Variants in PTPRD observed in about 807,000 individuals in gnomAD.
The protein encoded by PTPRD is receptor-type tyrosine-protein phosphatase delta.
A neutral mutation model predicts 214.5 loss-of-function variants in PTPRD; 34 were observed. That is an observed-to-expected ratio of 0.16 (90% CI 0.12 to 0.21). PTPRD has a LOEUF of 0.21. PTPRD is among the 10% of genes least tolerant of loss of function. The pLI, the probability that PTPRD is intolerant of heterozygous loss-of-function variation, is 1.00. For missense variants in PTPRD, 2,545 were observed against 2,398.7 expected, an observed-to-expected ratio of 1.06 and a Z score of -1.27; for synonymous variants, 1,128 against 845.7, an observed-to-expected ratio of 1.33 and a Z score of -5.79.
chr9:10,087,987 T>C (rs1380303870), intron 3 of PTPRD, among the ~76,000 whole-genome samples: 1 of 151,826 alleles, frequency 6.6e-6, no homozygotes, highest in African/African-American at 2.4e-5. Flanking sequence ...GCATATTTCA[T>C]GTATGTGTCC....
At chr9:9,634,773 G>A (rs548915216) in intron 7 of PTPRD, among the ~76,000 whole-genome samples, 6 of 151,968 alleles carry the variant, frequency 3.9e-5, no homozygotes, top group Non-Finnish European at 8.8e-5. Context: ...AATGTGTATA[G>A]AGTTAAGTGT....
intron 3 of PTPRD, among the ~76,000 whole-genome samples, chr9:10,286,399 G>T (rs2095354602): frequency 6.6e-6 from 1 of 151,946 alleles, no homozygotes; most frequent in African/African-American, 2.4e-5. Flanking sequence ...CCATAATTGT[G>T]TCATGGCACT....
intron 4 of PTPRD, among the ~76,000 whole-genome samples, chr9:10,027,303 T>C (rs1046364140): frequency 1.3e-5 from 2 of 152,162 alleles, no homozygotes; most frequent in Non-Finnish European, 2.9e-5. Flanking sequence ...AAAATAGTTG[T>C]TTGAGATAAA....
intron 11 of PTPRD, among the ~76,000 whole-genome samples, chr9:8,989,190 C>T (rs2099356856): frequency 6.6e-6 from 1 of 152,014 alleles, no homozygotes; most frequent in Non-Finnish European, 1.5e-5. Flanking sequence ...TTCATCACCT[C>T]AAACATTTAT....
chr9:8,440,913 G>T (rs2095526655), intron 34 of PTPRD, among the ~76,000 whole-genome samples: 1 of 152,176 alleles, frequency 6.6e-6, no homozygotes, highest in African/African-American at 2.4e-5. Context: ...ATCCAGAAAA[G>T]TTAGATGACT....
intron 11 of PTPRD, among the ~76,000 whole-genome samples, chr9:8,957,811 G>A (rs2099139081): frequency 6.6e-6 from 1 of 151,690 alleles, no homozygotes; most frequent in African/African-American, 2.4e-5. Context: ...GCAAGTGCTG[G>A]GAAGTGCTGT....
At chr9:10,378,678 T>C (rs2154481511) in intron 2 of PTPRD, among the ~76,000 whole-genome samples, 1 of 152,150 alleles carries the variant, frequency 6.6e-6, no homozygotes, top group East Asian at 1.9e-4. Context: ...GGTCTATGTG[T>C]CTGTTTTTAT....
At position 10,141,823 on chromosome 9, in the gene PTPRD, G is replaced by T. The variant is rs1203821923; in HGVS notation, c.-544-108033C>A. 3.3e-5 allele frequency among the ~76,000 whole-genome samples: 5 copies of T among 152,230 alleles called. No homozygotes were observed. In the East Asian group the frequency reaches 9.7e-4, roughly 30 times the overall value. On this transcript the variant is annotated intron_variant, in intron 3 of 45. Transcript: ENST00000381196. ...ATCCTAAGCCAAAAGAACAAAGCTGGAGGCATCACACTACCTGACTTCAAA... is the reference window on the plus strand; with the variant it reads ...ATCCTAAGCCAAAAGAACAAAGCTGTAGGCATCACACTACCTGACTTCAAA...
chr9:10,082,804 A>ACTC (rs1321100442), intron 3 of PTPRD, among the ~76,000 whole-genome samples: 1 of 133,160 alleles, frequency 7.5e-6, no homozygotes, highest in African/African-American at 3.0e-5. Context: ...CCTTTCTTCT[A>ACTC]CTCCTCCTAC....
At chr9:9,345,507 T>G (rs2048451211) in intron 9 of PTPRD, among the ~76,000 whole-genome samples, 1 of 152,098 alleles carries the variant, frequency 6.6e-6, no homozygotes, top group Non-Finnish European at 1.5e-5. Context: ...ATAAAATATT[T>G]TTTTTACTTG....
At chr9:8,748,740 C>G (rs1565767860) in intron 11 of PTPRD, among the ~76,000 whole-genome samples, 1 of 151,856 alleles carries the variant, frequency 6.6e-6, no homozygotes, top group Non-Finnish European at 1.5e-5. Context: ...GGAGAAATCC[C>G]ATCTCTACTA....
At chr9:9,883,643 C>A (rs2069633085) in intron 5 of PTPRD, among the ~76,000 whole-genome samples, 1 of 152,120 alleles carries the variant, frequency 6.6e-6, no homozygotes. Flanking sequence ...CAATCACCAA[C>A]AATTCTAAAA....
In PTPRD at chr9:9,779,078, C is replaced by CAAAAAAAAAAAAAAAAAAAAAAAAAA. The variant is rs869120926; in HGVS notation, c.-367-12253_-367-12228dup. Among the ~76,000 whole-genome samples, 25 of 45,486 alleles carry CAAAAAAAAAAAAAAAAAAAAAAAAAA rather than the reference C, an allele frequency of 5.5e-4. 3 individuals carry two copies. Among genetic ancestry groups the CAAAAAAAAAAAAAAAAAAAAAAAAAA allele is most frequent in the Admixed American group, 1.5e-3 (5 of 3,278 alleles). 29.8% of individuals were successfully genotyped at this position (45,486 alleles called of 152,430 possible). ...GCCATGTGATCTTTCATAAGACTGACAAAAAAAAAAAAAAAAAAAAAAAAA... is the reference window on the plus strand; with the variant it reads ...GCCATGTGATCTTTCATAAGACTGACAAAAAAAAAAAAAAAAAAAAAAAAAAAAAAAAAAAAAAAAAAAAAAAAAAA... On this transcript the variant is annotated intron_variant, in intron 5 of 45. Transcript: ENST00000381196.
chr9:9,095,247 A>G (rs2099781844), intron 10 of PTPRD, among the ~76,000 whole-genome samples: 1 of 152,218 alleles, frequency 6.6e-6, no homozygotes, highest in Non-Finnish European at 1.5e-5. Context: ...TGCAAGTCTT[A>G]GCTTGTATAA....
chr9:9,575,507 T>C (rs2088206132), intron 7 of PTPRD, among the ~76,000 whole-genome samples: 1 of 150,926 alleles, frequency 6.6e-6, no homozygotes, highest in Non-Finnish European at 1.5e-5. Context: ...GATCACAAGG[T>C]CAGGAGTTCA....
chr9:10,356,878 A>C (rs1332227058), intron 2 of PTPRD, among the ~76,000 whole-genome samples: 1 of 151,840 alleles, frequency 6.6e-6, no homozygotes, highest in East Asian at 2.0e-4. Context: ...CGGGGGTTTC[A>C]CCATGTTGGT....
At chr9:10,335,846 C>T (rs1283604223) in intron 3 of PTPRD, among the ~76,000 whole-genome samples, 1 of 151,780 alleles carries the variant, frequency 6.6e-6, no homozygotes, top group Non-Finnish European at 1.5e-5. Context: ...TGAAAAGATG[C>T]TCACCATGTC....
chr9:8,625,212 C>T (rs910356375), intron 14 of PTPRD, among the ~76,000 whole-genome samples: 3 of 151,276 alleles, frequency 2.0e-5, no homozygotes, highest in Non-Finnish European at 3.0e-5. Context: ...TATATATATA[C>T]TACATGTACA....
At position 9,889,895 on chromosome 9, in the gene PTPRD, C is replaced by T. The variant is rs146006187; in HGVS notation, c.-368+48612G>A. 7.8e-3 allele frequency among the ~76,000 whole-genome samples: 1,191 copies of T among 152,004 alleles called. 10 individuals are homozygous for T. Among genetic ancestry groups the T allele is most frequent in the Non-Finnish European group, 0.014 (940 of 67,954 alleles). On this transcript the variant is annotated intron_variant, in intron 5 of 45. Transcript: ENST00000381196. ...CGGGTTCTCCAGTGGCCACTGCCAG[C>T]AGTACATGGTACTTCCCTGTAGGCA...
Sources: allele counts gnomAD v4.1 joint callset (sites outside exome capture counted in the v4.1 genomes callset), GRCh38; gene constraint gnomAD v4.1.1; transcripts MANE v1.5; gene names NCBI Gene and HGNC (gene_info 2026-07-23, HGNC 2026-07-21).